The following NEB variants were observed in gnomAD, a reference collection of about 807,000 sequenced individuals.
NEB encodes nebulin, also known as nemaline myopathy type 2.
In NEB, 512 loss-of-function variants were observed where a neutral mutation model predicts 952.2. The observed-to-expected ratio is 0.54, with a 90% CI of 0.50 to 0.58. The LOEUF is 0.58. Among genes scored for constraint, NEB ranks in the 20% least tolerant of loss-of-function variants. The pLI is 0.00. For missense variants in NEB, 8,428 were observed against 9,231.1 expected, an observed-to-expected ratio of 0.91 and a Z score of 3.56; for synonymous variants, 2,900 against 3,149.8, an observed-to-expected ratio of 0.92 and a Z score of 2.66.
Position 151,663,763 on chromosome 2 carries a change from C to T in NEB, c.5548G>A (p.Ala1850Thr). ...DPKLVHFMQVAKMQSDREYKK... is the reference protein window; with the variant it reads ...DPKLVHFMQVTKMQSDREYKK... ...TATTCCCGGTCTGACTGCATCTTGG[C>T]CACTTGCATGAAGTGCACCAGCTTG... The change falls in exon 45 of 182, where the codon GCC (alanine) becomes ACC (threonine). Residue 1850 changes from alanine (A) to threonine (T), a missense_variant. Ala to Thr is a moderately conservative substitution (Grantham distance 58, BLOSUM62 0). This residue lies in a region of NEB where 2,851 missense variants were observed against 2,791.5 expected (regional missense o/e 1.02). Transcript: ENST00000397345. 6.2e-7 allele frequency: 1 copy of T among 1,613,810 alleles called. No individual in the cohort carries two copies. Among genetic ancestry groups the T allele is most frequent in the Non-Finnish European group, 8.5e-7 (1 of 1,179,786 alleles).
chr2:151,698,203 A>G (rs6745072), intron 13 of NEB, among the ~76,000 whole-genome samples: 2 of 152,066 alleles, frequency 1.3e-5, no homozygotes, highest in Non-Finnish European at 2.9e-5. Flanking sequence ...ACTCAAAAAA[A>G]TTTTTTTTCT....
chr2:151,551,175 G>T (rs1375254047), intron 129 of NEB, among the ~76,000 whole-genome samples: 1 of 151,492 alleles, frequency 6.6e-6, no homozygotes, highest in African/African-American at 2.4e-5. Context: ...CACCATGTTG[G>T]CCAGGCTGGT....
At chr2:151,575,665 A>G (rs778543685) in intron 107 of NEB, 30 bp downstream of exon 107, 5 of 1,470,748 alleles carry the variant, frequency 3.4e-6, no homozygotes, top group Non-Finnish European at 4.8e-6. Flanking sequence ...TAACTTTCCA[A>G]ACAAAAAGAG....
chr2:151,534,075 G>A (rs898267009), intron 142 of NEB: 15 of 653,710 alleles, frequency 2.3e-5, no homozygotes, highest in African/African-American at 3.6e-5. Context: ...CTTTTTGGGT[G>A]GCTAGACAGA....
chr2:151,730,634 A>T (rs1167910753), intron 3 of NEB, among the ~76,000 whole-genome samples: 1 of 151,770 alleles, frequency 6.6e-6, no homozygotes, highest in Non-Finnish European at 1.5e-5. Flanking sequence ...AAAAAAAAAA[A>T]AAAGGATGTA....
chr2:151,671,874 T>A (rs1350586824), intron 37 of NEB, among the ~76,000 whole-genome samples: 1 of 152,144 alleles, frequency 6.6e-6, no homozygotes, highest in Non-Finnish European at 1.5e-5. Flanking sequence ...TAAACACCTT[T>A]CCATGCAACT....
intron 29 of NEB, among the ~76,000 whole-genome samples, chr2:151,681,652 AC>A (rs1052372522): frequency 1.3e-5 from 2 of 152,054 alleles, no homozygotes; most frequent in African/African-American, 4.8e-5. Flanking sequence ...GTGGAAGACA[AC>A]CCTCATACCA....
intron 9 of NEB, among the ~76,000 whole-genome samples, chr2:151,721,545 TTCTG>T (rs1346450296): frequency 3.9e-5 from 6 of 152,236 alleles, no homozygotes; most frequent in Non-Finnish European, 7.3e-5. Flanking sequence ...CTCACACGTG[TTCTG>T]TCTGTCTTGT....
In NEB at chr2:151,497,632, A is replaced by G. The variant is rs910622324; in HGVS notation, c.24294T>C (p.Ile8098=). 1.0e-5 allele frequency: 16 copies of G among 1,573,862 alleles called. No homozygotes were observed. The highest frequency in any genetic ancestry group is 1.4e-5 in the Non-Finnish European group (16 of 1,157,042). Residue 8098 remains isoleucine (I), a synonymous_variant, in exon 171 of 182, where the codon ATT becomes ATC. Coordinates refer to ENST00000397345, the MANE Select transcript of NEB (RefSeq NM_001164508.2). ...MERVKHNQEN[I]SSVLYKENMG... is the part of the protein sequence containing the mutation. ...TCTTTTCTTGCCAAAGTACCGAGCTAATATTTTCTTGATTGTGTTTGACTC... is the reference window on the plus strand; with the variant it reads ...TCTTTTCTTGCCAAAGTACCGAGCTGATATTTTCTTGATTGTGTTTGACTC...
At chr2:151,509,660 G>A (rs145791975) in intron 161 of NEB, among the ~76,000 whole-genome samples, 6 of 152,056 alleles carry the variant, frequency 3.9e-5, no homozygotes, top group Admixed American at 2.0e-4. Flanking sequence ...GCGGAGTTTC[G>A]CAGTGTCTCC....
chr2:151,617,510 T>G, intron 74 of NEB, 42 bp from the exon 75 acceptor site: 3 of 1,241,062 alleles, frequency 2.4e-6, no homozygotes, highest in South Asian at 1.4e-5. Context: ...AGAGAAAAAT[T>G]ATTTTGGTGT....
At chr2:151,534,900 A>G (rs1482646933) in intron 142 of NEB, among the ~76,000 whole-genome samples, 1 of 152,250 alleles carries the variant, frequency 6.6e-6, no homozygotes, top group African/African-American at 2.4e-5. Context: ...ATGTAAAGAC[A>G]ACAAACAAAA....
rs371675749 is a variant in NEB, at chr2:151,618,250, C to G, written c.11076+25G>C. On this transcript the variant is annotated intron_variant, in intron 74 of 181. Coordinates refer to ENST00000397345, the MANE Select transcript of NEB (RefSeq NM_001164508.2). Reference sequence around the variant, plus strand: ...ATTGTTCTGTGGTAACTTTCGGTATCTAACAGTGAGGATTGAAGACTCACC... The same window carrying G: ...ATTGTTCTGTGGTAACTTTCGGTATGTAACAGTGAGGATTGAAGACTCACC... 55 of 1,602,848 alleles carry G rather than the reference C, an allele frequency of 3.4e-5. No individual in the cohort carries two copies. In the African/African-American group the frequency reaches 4.4e-4, roughly 13 times the overall value.
chr2:151,524,540 G>A lies in NEB; in HGVS notation c.22349C>T (p.Thr7450Ile), dbSNP rs575499014. ...VADRPDIKKA[T>I]QAAKQASEVE... ...CTCACTGGCCTGTTTGGCTGCCTGT[G>A]TGGCCTTCTTGATGTCTGGTCGATC... is the stretch of plus-strand genomic sequence containing the variant. Residue 7450 changes from threonine (T) to isoleucine (I), a missense_variant, in exon 152 of 182, where the codon ACA (threonine) becomes ATA (isoleucine). This residue lies in a region of NEB where 3,374 missense variants were observed against 3,651.5 expected (regional missense o/e 0.92). Coordinates refer to ENST00000397345, the MANE Select transcript of NEB (RefSeq NM_001164508.2). 5.5e-5 allele frequency: 88 copies of A among 1,613,506 alleles called. No individual in the cohort carries two copies. The highest frequency in any genetic ancestry group is 4.9e-4 in the South Asian group (45 of 91,070).
intron 6 of NEB, 130 bp downstream of exon 6, chr2:151,725,323 T>C: frequency 1.3e-6 from 1 of 760,392 alleles, no homozygotes; most frequent in Non-Finnish European, 2.2e-6. Flanking sequence ...GTTCATGCTT[T>C]TCTAGATTTG....
At chr2:151,516,411 C>T (rs1434016121) in intron 157 of NEB, 48 bp downstream of exon 157, 3 of 1,307,764 alleles carry the variant, frequency 2.3e-6, no homozygotes, top group Non-Finnish European at 3.3e-6. Context: ...AGCTTGTGTT[C>T]AGTAGTGTGA....
At chr2:151,665,969 T>C in intron 41 of NEB, 121 bp downstream of exon 41, 1 of 1,029,608 alleles carries the variant, frequency 9.7e-7, no homozygotes, top group Non-Finnish European at 1.4e-6. Context: ...CCTAAAACTC[T>C]GAGTTCTGGA....
At position 151,706,944 on chromosome 2, in the gene NEB, C is replaced by G; in HGVS notation, c.1089G>C (p.Val363=). Residue 363 remains valine (V), a synonymous_variant, in exon 13 of 182, where the codon GTG becomes GTC. Transcript: ENST00000397345. ...GCTGTGGGTTCTCTGAAGCAGGAAG[C>G]ACATTATAATCTGCTTTTCCTTTAT... ...EKNKGKADYN[V]LPASENPQLR... 2 of 1,605,060 alleles carry G rather than the reference C, an allele frequency of 1.2e-6. No individual in the cohort carries two copies. Among genetic ancestry groups the G allele is most frequent in the Non-Finnish European group, 1.7e-6 (2 of 1,175,104 alleles).
rs752540640 is a variant in NEB at position 151,691,892 on chromosome 2, G to C, written c.2183C>G (p.Ala728Gly). The C allele has an allele frequency of 1.9e-6, 3 of 1,601,834 alleles. No individual in the cohort carries two copies. The highest frequency in any genetic ancestry group is 2.6e-6 in the Non-Finnish European group (3 of 1,172,798). The change falls in exon 23 of 182, where the codon GCA becomes GGA. Residue 728 changes from alanine to glycine, a missense_variant. By Grantham distance (60) the Ala-to-Gly change is moderately conservative. This residue lies in a region of NEB where 2,851 missense variants were observed against 2,791.5 expected (regional missense o/e 1.02). Coordinates refer to ENST00000397345, the MANE Select transcript of NEB (RefSeq NM_001164508.2). Reference sequence around the variant, plus strand: ...TTTACACTGGTCCAGCTTCTTGATTGCTTCATATTCTTGTGTTATTGTCTG... The same window carrying C: ...TTTACACTGGTCCAGCTTCTTGATTCCTTCATATTCTTGTGTTATTGTCTG... ...FPQTITQEYE[A>G]IKKLDQCKDH...
Sources: gnomAD v4.1 joint callset for allele counts (sites outside exome capture counted in the v4.1 genomes callset) on GRCh38, gnomAD v4.1.1 for gene constraint, gnomAD v4.1.1 regional missense constraint, MANE v1.5 for transcripts, NCBI Gene and HGNC (gene_info 2026-07-23, HGNC 2026-07-21) for gene names.